NRXN1: variants seen among roughly 807,000 people sequenced by gnomAD.
NRXN1 encodes the protein neurexin-1.
A neutral mutation model predicts 150.9 loss-of-function variants in NRXN1; 39 were observed. The ratio of observed to expected loss-of-function variants is 0.26; its 90% CI spans 0.20 to 0.34. NRXN1 has a LOEUF of 0.34. Among genes scored for constraint, NRXN1 ranks in the 10% least tolerant of loss-of-function variants. The pLI is 1.00. For synonymous variants in NRXN1, 924 were observed against 757.0 expected (o/e 1.22, Z -3.62); for missense variants, 1,815 against 1,949.9 (o/e 0.93, Z 1.30).
chr2:50,598,825 T>C (rs1165461765), intron 8 of NRXN1, among the ~76,000 whole-genome samples: 1 of 151,744 alleles, frequency 6.6e-6, no homozygotes, highest in South Asian at 2.1e-4. Context: ...TGCTGTGATC[T>C]TGGCTCACTG....
chr2:50,739,824 T>C lies in NRXN1; in HGVS notation c.833-116209A>G, dbSNP rs551616295. On this transcript the variant is annotated intron_variant, in intron 5 of 22. Coordinates refer to ENST00000401669, the MANE Select transcript of NRXN1 (RefSeq NM_001330078.2). ...TTTTGGGGCTTAAAAACTTAGTACA[T>C]CAAAAGGAAATATGTGGAGTTATTC... Among the ~76,000 whole-genome samples the C allele has an allele frequency of 3.3e-5, 5 of 152,254 alleles. No homozygotes were observed. The South Asian group carries it at 6.2e-4, about 19-fold the overall frequency.
chr2:50,929,959 C>A (rs552283732), intron 2 of NRXN1, among the ~76,000 whole-genome samples: 2 of 152,020 alleles, frequency 1.3e-5, no homozygotes, highest in African/African-American at 4.8e-5. Flanking sequence ...AATAGAAATG[C>A]GGCCCAGAAC....
chr2:50,676,623 A>G (rs757694938), intron 5 of NRXN1, among the ~76,000 whole-genome samples: 1 of 152,182 alleles, frequency 6.6e-6, no homozygotes, highest in East Asian at 1.9e-4. Flanking sequence ...CACCATGCAT[A>G]TGCTAACCAT....
chr2:50,869,918 G>A (rs569245836), intron 5 of NRXN1, among the ~76,000 whole-genome samples: 2 of 151,956 alleles, frequency 1.3e-5, no homozygotes, highest in South Asian at 2.1e-4. Flanking sequence ...CAGTTGCTGA[G>A]CATCTGCTCA....
At chr2:50,187,689 G>A (rs906115955) in intron 18 of NRXN1, among the ~76,000 whole-genome samples, 8 of 152,038 alleles carry the variant, frequency 5.3e-5, no homozygotes, top group Non-Finnish European at 1.0e-4. Context: ...TGGGCAGTAT[G>A]GCCATTTTCG....
chr2:50,667,189 T>TAACTC (rs58747153), intron 5 of NRXN1, among the ~76,000 whole-genome samples: 112,161 of 151,180 alleles, frequency 0.74, 42,373 homozygotes, highest in African/African-American at 0.88. Context: ...TTTACAGACT[T>TAACTC]AGTCAAGTAA....
In NRXN1 at chr2:50,008,786, C is replaced by T. The variant is rs557021701; in HGVS notation, c.4128+44485G>A. Among the ~76,000 whole-genome samples, 57 of 152,076 alleles carry T rather than the reference C, an allele frequency of 3.7e-4. 1 individual carries two copies. In the South Asian group the frequency reaches 0.012, roughly 32 times the overall value. On this transcript the variant is annotated intron_variant, in intron 21 of 22. Transcript: ENST00000401669. ...TCAGGATTGGAGTTTTCTTTCTGAT[C>T]TGCTAATTCTACAAAGTATATAAGA...
chr2:50,919,085 A>C (rs976986973), intron 5 of NRXN1: 4 of 151,838 alleles, frequency 2.6e-5, no homozygotes, highest in African/African-American at 9.7e-5. Context: ...AATAGGAGGC[A>C]CTATGGCCTA....
intron 5 of NRXN1, among the ~76,000 whole-genome samples, chr2:50,746,344 G>A (rs879286560): frequency 1.3e-5 from 2 of 151,978 alleles, no homozygotes; most frequent in Admixed American, 1.3e-4. Context: ...GACTGCTTGA[G>A]GTCAGGAGTT....
intron 17 of NRXN1, among the ~76,000 whole-genome samples, chr2:50,284,094 T>G (rs2071805504): frequency 6.6e-6 from 1 of 152,216 alleles, no homozygotes; most frequent in South Asian, 2.1e-4. Context: ...GAGTCTTCAA[T>G]GCACATTCAT....
At chr2:49,948,998 G>A (rs1052062517) in intron 21 of NRXN1, among the ~76,000 whole-genome samples, 1 of 151,940 alleles carries the variant, frequency 6.6e-6, no homozygotes, top group Non-Finnish European at 1.5e-5. Flanking sequence ...TCTTCTTGTT[G>A]AAAATGTGCA....
At chr2:50,716,924 T>C (rs1352446442) in intron 5 of NRXN1, among the ~76,000 whole-genome samples, 3 of 152,208 alleles carry the variant, frequency 2.0e-5, no homozygotes, top group African/African-American at 4.8e-5. Context: ...CTGCCATTTG[T>C]TCATTCATTT....
chr2:49,988,324 A>C (rs978553199), intron 21 of NRXN1, among the ~76,000 whole-genome samples: 6 of 151,982 alleles, frequency 3.9e-5, no homozygotes, highest in African/African-American at 1.2e-4. Flanking sequence ...GAAAAAAAAA[A>C]AACTGTACAT....
intron 5 of NRXN1, among the ~76,000 whole-genome samples, chr2:50,756,332 C>T (rs919015792): frequency 1.1e-4 from 16 of 151,448 alleles, no homozygotes; most frequent in African/African-American, 3.9e-4. Context: ...CAGAGCATAG[C>T]AAAGTGCATT....
intron 2 of NRXN1, among the ~76,000 whole-genome samples, chr2:50,942,143 C>T (rs889236880): frequency 2.0e-5 from 3 of 152,196 alleles, no homozygotes; most frequent in Admixed American, 6.5e-5. Context: ...TGGCAGCTTC[C>T]ACATGGTGTT....
intron 18 of NRXN1, among the ~76,000 whole-genome samples, chr2:50,093,129 T>TA (rs1558862721): frequency 1.3e-5 from 2 of 151,928 alleles, no homozygotes; most frequent in Non-Finnish European, 2.9e-5. Flanking sequence ...AAAAAATCTT[T>TA]AAAAAAATCT....
intron 21 of NRXN1, among the ~76,000 whole-genome samples, chr2:49,979,398 G>C (rs1048323123): frequency 1.3e-5 from 2 of 152,202 alleles, no homozygotes; most frequent in Non-Finnish European, 2.9e-5. Context: ...ATTAAGGCAC[G>C]GAGAGCCTTT....
chr2:50,434,019 C>T (rs2085201743), intron 17 of NRXN1, among the ~76,000 whole-genome samples: 1 of 145,366 alleles, frequency 6.9e-6, no homozygotes, highest in African/African-American at 2.5e-5. Flanking sequence ...CTCCTGCTTA[C>T]TCCTTGCTTC....
At position 50,177,208 on chromosome 2, in the gene NRXN1, T is replaced by C. The variant is rs138468274; in HGVS notation, c.3546+59581A>G. On this transcript the variant is annotated intron_variant, in intron 18 of 22. Coordinates refer to ENST00000401669, the MANE Select transcript of NRXN1 (RefSeq NM_001330078.2). ...TTCTTGTGCACCCATCACCCAAATG[T>C]TGAACATTATACCCAATAGGTAATT... Among the ~76,000 whole-genome samples the C allele has an allele frequency of 4.0e-3, 612 of 152,242 alleles. 1 individual carries two copies. The highest frequency in any genetic ancestry group is 0.014 in the African/African-American group (588 of 41,566).
Sources: gnomAD v4.1 joint callset for allele counts (sites outside exome capture counted in the v4.1 genomes callset) on GRCh38, gnomAD v4.1.1 for gene constraint, MANE v1.5 for transcripts, NCBI Gene and HGNC (gene_info 2026-07-23, HGNC 2026-07-21) for gene names.